IFI16: variants seen among roughly 807,000 people sequenced by gnomAD.
IFI16 encodes gamma-interferon-inducible protein 16.
In IFI16, 49 loss-of-function variants were observed where a neutral mutation model predicts 68.4. The ratio of observed to expected loss-of-function variants is 0.72; its 90% CI spans 0.57 to 0.91. The LOEUF is 0.91. Ranked by LOEUF, IFI16 falls within the 40% of genes least tolerant of loss-of-function variation. IFI16 has a pLI of 0.00. For missense variants in IFI16, 878 were observed against 942.9 expected (o/e 0.93, Z 0.90); for synonymous variants, 307 against 315.0 (o/e 0.97, Z 0.27).
chr1:159,019,867 G>T (rs552366833), intron 5 of IFI16, among the ~76,000 whole-genome samples: 11 of 152,280 alleles, frequency 7.2e-5, no homozygotes, highest in Admixed American at 2.0e-4. Flanking sequence ...TCAGGAGGGG[G>T]TACAAATATT....
chr1:159,035,144 A>G (rs749646859), intron 7 of IFI16, among the ~76,000 whole-genome samples: 50 of 152,152 alleles, frequency 3.3e-4, no homozygotes, highest in Non-Finnish European at 6.5e-4. Flanking sequence ...TCCTATATTT[A>G]AGGATTCTCT....
chr1:159,044,904 G>T (rs1209161220), intron 7 of IFI16, among the ~76,000 whole-genome samples: 1 of 151,782 alleles, frequency 6.6e-6, no homozygotes, highest in Non-Finnish European at 1.5e-5. Context: ...AGAGAGACTG[G>T]TTTGTGTATC....
intron 1 of IFI16, among the ~76,000 whole-genome samples, chr1:159,012,672 A>C (rs182021377): frequency 6.6e-6 from 1 of 152,336 alleles, no homozygotes; most frequent in East Asian, 1.9e-4. Flanking sequence ...CACAATGCAC[A>C]TTCTAAGCTG....
chr1:159,032,751 G>A, intron 7 of IFI16, 60 bp downstream of exon 7: 2 of 1,373,488 alleles, frequency 1.5e-6, no homozygotes, highest in Non-Finnish European at 2.0e-6. Flanking sequence ...GGGATCATTA[G>A]ACTGTTGAAA....
chr1:159,023,305 T>C (rs2101840933), intron 6 of IFI16, among the ~76,000 whole-genome samples: 1 of 152,346 alleles, frequency 6.6e-6, no homozygotes, highest in East Asian at 1.9e-4. Context: ...CTTCTTTTTT[T>C]GCTAATATTA....
chr1:159,014,627 T>G (rs552179908), intron 1 of IFI16, 34 bp from the exon 2 acceptor site: 62 of 1,386,388 alleles, frequency 4.5e-5, no homozygotes, highest in African/African-American at 5.8e-5. Context: ...TCTGTATACA[T>G]GTGTAACACT....
chr1:159,025,113 A>G (rs1423898938), intron 6 of IFI16, among the ~76,000 whole-genome samples: 1 of 152,174 alleles, frequency 6.6e-6, no homozygotes, highest in Admixed American at 6.5e-5. Flanking sequence ...GAGGGAAAAG[A>G]AAGTGGAAAA....
upstream of IFI16, among the ~76,000 whole-genome samples, chr1:159,007,001 G>A (rs984427647): frequency 3.9e-5 from 6 of 152,014 alleles, no homozygotes; most frequent in African/African-American, 1.5e-4. Flanking sequence ...CATATGTTAA[G>A]TAGAACACAA....
At chr1:159,007,896 T>G (rs573708982), upstream of IFI16, among the ~76,000 whole-genome samples, 1 of 152,278 alleles carries the variant, frequency 6.6e-6, no homozygotes, top group South Asian at 2.1e-4. Context: ...TAGAGTTGAT[T>G]TGCAAAACAA....
At chr1:159,031,216 A>G (rs1481426633) in intron 6 of IFI16, among the ~76,000 whole-genome samples, 1 of 152,170 alleles carries the variant, frequency 6.6e-6, no homozygotes, top group Admixed American at 6.5e-5. Flanking sequence ...ATTTCCAGGC[A>G]GCAAGTGAGC....
chr1:159,051,645 A>T (rs1157658274), intron 9 of IFI16, 34 bp from the exon 10 acceptor site: 3 of 1,552,016 alleles, frequency 1.9e-6, no homozygotes, highest in South Asian at 1.2e-5. Flanking sequence ...TTCCTGTTTT[A>T]ATTGTGCCTA....
intron 8 of IFI16, among the ~76,000 whole-genome samples, chr1:159,046,541 C>T (rs1453160557): frequency 1.3e-5 from 2 of 151,046 alleles, no homozygotes; most frequent in Admixed American, 6.6e-5. Context: ...ATAACAATTC[C>T]ACCAGTATTA....
Position 159,018,408 on chromosome 1 carries a change from G to T in IFI16, c.729G>T (p.Lys243Asn). 1 of 1,614,014 alleles carries T rather than the reference G, an allele frequency of 6.2e-7. No homozygotes were observed. The highest frequency in any genetic ancestry group is 8.5e-7 in the Non-Finnish European group (1 of 1,179,914). The change falls in exon 5 of 12, where the codon AAG becomes AAT. Residue 243 changes from lysine (K) to asparagine (N), a missense_variant. Physicochemically the swap from Lys to Asn is moderately conservative, Grantham distance 94. Transcript: ENST00000295809. The stretch of plus-strand genomic sequence containing the variant: ...CACAGACACAGTTCTTCCATGTGAA[G>T]GTTTTAAACACCAGCTTGAAGGAGA... ...VATQTQFFHVKVLNTSLKEKF... is the reference protein window; with the variant it reads ...VATQTQFFHVNVLNTSLKEKF...
Position 159,048,550 on chromosome 1 carries a change from G to A in IFI16, c.1498-882G>A, listed in dbSNP as rs188697454. Among the ~76,000 whole-genome samples, 113 of 151,468 alleles carry A rather than the reference G, an allele frequency of 7.5e-4. 1 individual carries two copies. Among genetic ancestry groups the A allele is most frequent in the South Asian group, 3.3e-3 (16 of 4,796 alleles). ...GTTTTGTTTGGGGTTTATTTCCATAGTCCAGGTGCTCAGTGGTGGTCAGAG... is the reference window on the plus strand; with the variant it reads ...GTTTTGTTTGGGGTTTATTTCCATAATCCAGGTGCTCAGTGGTGGTCAGAG... On this transcript the variant is annotated intron_variant, in intron 8 of 11. Transcript: ENST00000295809.
chr1:159,011,562 C>A (rs1324328489), intron 1 of IFI16, among the ~76,000 whole-genome samples: 1 of 151,564 alleles, frequency 6.6e-6, no homozygotes, highest in Non-Finnish European at 1.5e-5. Context: ...GAAATATATA[C>A]TAATTATAGT....
In IFI16 at chr1:159,044,742, T is replaced by C. The variant is rs189980636; in HGVS notation, c.1330-555T>C. Reference sequence around the variant, plus strand: ...AATTCTTCTGAATACAGCTAAAAACTCTGAAAGATTCTGATTGCCTGATCC... The same window carrying C: ...AATTCTTCTGAATACAGCTAAAAACCCTGAAAGATTCTGATTGCCTGATCC... On this transcript the variant is annotated intron_variant, in intron 7 of 11. Transcript: ENST00000295809. Among the ~76,000 whole-genome samples the C allele has an allele frequency of 7.2e-5, 11 of 152,140 alleles. 1 individual carries two copies. Among genetic ancestry groups the C allele is most frequent in the Admixed American group, 3.3e-4 (5 of 15,272 alleles).
intron 7 of IFI16, among the ~76,000 whole-genome samples, chr1:159,041,424 C>G (rs1226595836): frequency 6.6e-6 from 1 of 152,086 alleles, no homozygotes; most frequent in Non-Finnish European, 1.5e-5. Context: ...AGAGGATCCT[C>G]GCAGCAAAGA....
At chr1:159,031,467 T>C (rs1653995276) in intron 6 of IFI16, among the ~76,000 whole-genome samples, 1 of 152,196 alleles carries the variant, frequency 6.6e-6, no homozygotes, top group South Asian at 2.1e-4. Context: ...TGAGACAAAG[T>C]CAGTAATGGC....
upstream of IFI16, among the ~76,000 whole-genome samples, chr1:159,007,584 A>G (rs1254563465): frequency 6.6e-6 from 1 of 152,162 alleles, no homozygotes. Flanking sequence ...CTAAATTCAT[A>G]TGATGAAGCC....
Sources: gnomAD v4.1 joint callset for allele counts (sites outside exome capture counted in the v4.1 genomes callset) on GRCh38, gnomAD v4.1.1 for gene constraint, MANE v1.5 for transcripts, NCBI Gene and HGNC (gene_info 2026-07-23, HGNC 2026-07-21) for gene names.